REDIC1: variants seen among roughly 807,000 people sequenced by gnomAD.
The protein encoded by REDIC1 is HEI10 Interacting Protein 1.
At chr12:39,652,312 C>T in the REDIC1 span, among the ~76,000 whole-genome samples, 10 of 152,110 alleles carry the variant, frequency 6.6e-5, no homozygotes, top group African/African-American at 1.4e-4. Context: ...AAAAAACTAC[C>T]GAACTATTTT....
the REDIC1 span, among the ~76,000 whole-genome samples, chr12:39,779,254 G>T: frequency 6.6e-6 from 1 of 152,276 alleles, no homozygotes; most frequent in South Asian, 2.1e-4. Flanking sequence ...TGAGTATGTT[G>T]GATGCAGCAT....
the REDIC1 span, among the ~76,000 whole-genome samples, chr12:39,786,378 A>ATTCTGAGGCCTCCCCAGCCATGG: frequency 1.3e-5 from 2 of 152,028 alleles, no homozygotes; most frequent in African/African-American, 2.4e-5. Context: ...TCCCACCATG[A>ATTCTGAGGCCTCCCCAGCCATGG]TTCTGAGGCC....
chr12:39,855,164 G>A, the REDIC1 span, among the ~76,000 whole-genome samples: 13 of 152,076 alleles, frequency 8.5e-5, no homozygotes, highest in East Asian at 7.7e-4. Context: ...TTAGACTTGC[G>A]GCTATATTTG....
the REDIC1 span, among the ~76,000 whole-genome samples, chr12:39,768,591 C>T: frequency 6.6e-6 from 1 of 151,948 alleles, no homozygotes; most frequent in African/African-American, 2.4e-5. Flanking sequence ...TAGAGAGGCT[C>T]CAGGAGAGGG....
the REDIC1 span, among the ~76,000 whole-genome samples, chr12:39,813,023 T>TTTTAG: frequency 1.5e-5 from 2 of 133,768 alleles, no homozygotes; most frequent in African/African-American, 5.6e-5. Context: ...TTTTTTTTTT[T>TTTTAG]TAGTAGAGAT....
the REDIC1 span, among the ~76,000 whole-genome samples, chr12:39,727,255 G>C: frequency 6.6e-6 from 1 of 152,084 alleles, no homozygotes; most frequent in East Asian, 1.9e-4. Context: ...TATTGCCTAG[G>C]TTTTCTTCTA....
At chr12:39,901,911 TA>T in the REDIC1 span, among the ~76,000 whole-genome samples, 1 of 151,938 alleles carries the variant, frequency 6.6e-6, no homozygotes, top group African/African-American at 2.4e-5. Context: ...ATTGCGGCAT[TA>T]TTCCCAATAG....
the REDIC1 span, among the ~76,000 whole-genome samples, chr12:39,859,539 T>A: frequency 2.6e-5 from 4 of 152,080 alleles, no homozygotes; most frequent in African/African-American, 9.7e-5. Flanking sequence ...GTTTGCTTTT[T>A]AAGACAGAGT....
At chr12:39,764,311 G>C in the REDIC1 span, 1 of 649,022 alleles carries the variant, frequency 1.5e-6, no homozygotes, top group Non-Finnish European at 2.4e-6. Context: ...ACACATTTCC[G>C]ATGCCTTTGG....
the REDIC1 span, among the ~76,000 whole-genome samples, chr12:39,676,460 TAAAC>T: frequency 7.2e-5 from 11 of 152,160 alleles, no homozygotes; most frequent in East Asian, 1.9e-4. Context: ...GGGATTATGT[TAAAC>T]AACCAAACAT....
At chr12:39,869,322 A>G in the REDIC1 span, among the ~76,000 whole-genome samples, 1 of 152,176 alleles carries the variant, frequency 6.6e-6, no homozygotes, top group Non-Finnish European at 1.5e-5. Flanking sequence ...AGTAGGACCT[A>G]TTTAATCACT....
chr12:39,896,177 T>C, the REDIC1 span, among the ~76,000 whole-genome samples: 1 of 148,750 alleles, frequency 6.7e-6, no homozygotes, highest in African/African-American at 2.5e-5. Context: ...TATATGAATA[T>C]GTATATATGT....
chr12:39,717,111 C>T, the REDIC1 span, among the ~76,000 whole-genome samples: 3 of 138,262 alleles, frequency 2.2e-5, no homozygotes, highest in East Asian at 3.9e-4. Context: ...TATCAAGATA[C>T]CTTATATACA....
the REDIC1 span, among the ~76,000 whole-genome samples, chr12:39,738,627 C>A: frequency 6.6e-6 from 1 of 152,166 alleles, no homozygotes. Context: ...ACAAAAATAT[C>A]TTTTTACTAT....
At chr12:39,634,147 A>G in the REDIC1 span, among the ~76,000 whole-genome samples, 5 of 152,222 alleles carry the variant, frequency 3.3e-5, no homozygotes, top group Admixed American at 6.5e-5. Context: ...GGTCCTTCAC[A>G]TCCCTTGTAA....
At chr12:39,691,385 T>C in the REDIC1 span, among the ~76,000 whole-genome samples, 120,609 of 152,074 alleles carry the variant, frequency 0.79, 48,561 homozygotes, top group Non-Finnish European at 0.87. Flanking sequence ...GCCCATGATA[T>C]GTATGCAAAC....
chr12:39,896,608 A>G, the REDIC1 span, among the ~76,000 whole-genome samples: 24 of 150,840 alleles, frequency 1.6e-4, no homozygotes, highest in South Asian at 2.1e-4. Flanking sequence ...ATGTATGTAT[A>G]TGTGTTTATA....
At chr12:39,838,500 ATAAAT>A in the REDIC1 span, among the ~76,000 whole-genome samples, 1 of 95,388 alleles carries the variant, frequency 1.0e-5, no homozygotes, top group African/African-American at 4.5e-5. Flanking sequence ...ATAAAAAAAA[ATAAAT>A]TAAAAAAAAA....
chr12:39,775,386 G>A, the REDIC1 span, among the ~76,000 whole-genome samples: 3 of 152,228 alleles, frequency 2.0e-5, no homozygotes, highest in Non-Finnish European at 4.4e-5. Context: ...ATGAGGATGT[G>A]GATGTGGCCT....
Sources: gnomAD v4.1 joint callset for allele counts (sites outside exome capture counted in the v4.1 genomes callset) on GRCh38, gnomAD v4.1.1 for gene constraint, MANE v1.5 for transcripts, NCBI Gene and HGNC (gene_info 2026-07-23, HGNC 2026-07-21) for gene names.